ADAM9: variants seen among roughly 807,000 people sequenced by gnomAD.
ADAM9 encodes disintegrin and metalloproteinase domain-containing protein 9.
In ADAM9, 54 loss-of-function variants were observed where a neutral mutation model predicts 108.1. That is an observed-to-expected ratio of 0.50 (90% CI 0.40 to 0.63). ADAM9 has a LOEUF of 0.63. Ranked by LOEUF, ADAM9 falls within the 20% of genes least tolerant of loss-of-function variation. ADAM9 has a pLI of 0.00. For missense variants in ADAM9, 830 were observed against 997.7 expected (o/e 0.83, Z 2.26); for synonymous variants, 316 against 336.0 (o/e 0.94, Z 0.65).
In ADAM9 at chr8:39,022,639, T is replaced by C. The variant is rs183996820; in HGVS notation, c.745-517T>C. Among the ~76,000 whole-genome samples the C allele has an allele frequency of 7.5e-3, 1,149 of 152,308 alleles. 8 individuals are homozygous for C. The highest frequency in any genetic ancestry group is 0.014 in the Middle Eastern group (4 of 294). On this transcript the variant is annotated intron_variant, in intron 8 of 21. Coordinates refer to ENST00000487273, the MANE Select transcript of ADAM9 (RefSeq NM_003816.3). ...GTTTGTCAGATTTTAGAATAGAAGA[T>C]AATAAGGATTTCGAATCTCTGTTAC...
At chr8:39,035,721 G>A (rs1351292018) in intron 11 of ADAM9, among the ~76,000 whole-genome samples, 1 of 152,110 alleles carries the variant, frequency 6.6e-6, no homozygotes, top group African/African-American at 2.4e-5. Context: ...GGAGGCTGAG[G>A]CAGGCGAATG....
chr8:39,053,820 A>G (rs1252260758), intron 12 of ADAM9, among the ~76,000 whole-genome samples: 1 of 152,180 alleles, frequency 6.6e-6, no homozygotes, highest in Non-Finnish European at 1.5e-5. Context: ...GAGCATGAAG[A>G]TAAATGCCTT....
chr8:39,094,303 T>C (rs191371005), intron 20 of ADAM9, among the ~76,000 whole-genome samples: 3 of 152,362 alleles, frequency 2.0e-5, no homozygotes, highest in Admixed American at 1.3e-4. Flanking sequence ...TATCCTTTTA[T>C]GTGCTGCTGA....
chr8:39,029,290 TGAG>T (rs1367729659), intron 11 of ADAM9, among the ~76,000 whole-genome samples: 1 of 151,674 alleles, frequency 6.6e-6, no homozygotes, highest in African/African-American at 2.4e-5. Context: ...ACTGATAACA[TGAG>T]GATACTGATA....
At chr8:39,038,426 T>C (rs1837351607) in intron 11 of ADAM9, among the ~76,000 whole-genome samples, 1 of 152,218 alleles carries the variant, frequency 6.6e-6, no homozygotes, top group Admixed American at 6.5e-5. Flanking sequence ...ACAGTTTTGA[T>C]TGAACTGTCA....
In ADAM9 at chr8:39,055,869, G is replaced by A. The variant is rs536706875; in HGVS notation, c.1591+97G>A. ...AATGAAACATTATTGATAAAGTTGA[G>A]GCTCTCTTGTTTCTCATCGTATTTC... On this transcript the variant is annotated intron_variant, in intron 14 of 21. Coordinates refer to ENST00000487273, the MANE Select transcript of ADAM9 (RefSeq NM_003816.3). 3.9e-6 allele frequency: 5 copies of A among 1,272,368 alleles called. No homozygotes were observed. The East Asian group carries it at 1.0e-4, about 26-fold the overall frequency. 78.8% of individuals were successfully genotyped at this position (1,272,368 alleles called of 1,614,324 possible).
Position 39,082,622 on chromosome 8 carries a change from T to A in ADAM9, c.1882-19T>A. On this transcript the variant is annotated intron_variant, in intron 16 of 21. Transcript: ENST00000487273. ...TGTGCTCAATCTTTCTTTACTTAGT[T>A]CATTTTTTTTTTTTTCAGATCTGTA... is the stretch of plus-strand genomic sequence containing the variant. The A allele has an allele frequency of 6.3e-7, 1 of 1,576,238 alleles. No homozygotes were observed.
At chr8:39,087,897 G>A (rs1392279729) in intron 18 of ADAM9, among the ~76,000 whole-genome samples, 2 of 152,164 alleles carry the variant, frequency 1.3e-5, no homozygotes, top group African/African-American at 4.8e-5. Context: ...ATAGTCTGCT[G>A]TTGACTGGAA....
In ADAM9 at chr8:39,062,894, A is replaced by G. The variant is rs1327658807; in HGVS notation, c.1591+7122A>G. ...CGACTCAAACATTTTAGTCTCCCTC[A>G]GACTTTGAATCCCTTTCTCTGCATT... On this transcript the variant is annotated intron_variant, in intron 14 of 21. Transcript: ENST00000487273. Among the ~76,000 whole-genome samples, 6 of 152,192 alleles carry G rather than the reference A, an allele frequency of 3.9e-5. No individual in the cohort carries two copies. In the East Asian group the frequency reaches 1.2e-3, roughly 29 times the overall value.
chr8:39,063,558 T>C (rs1183162191), intron 14 of ADAM9, among the ~76,000 whole-genome samples: 1 of 152,016 alleles, frequency 6.6e-6, no homozygotes, highest in African/African-American at 2.4e-5. Flanking sequence ...CCTGTCTCCA[T>C]TAAAAACACA....
At chr8:39,067,119 T>G (rs1362906972) in intron 14 of ADAM9, among the ~76,000 whole-genome samples, 6 of 152,340 alleles carry the variant, frequency 3.9e-5, no homozygotes, top group African/African-American at 1.4e-4. Flanking sequence ...ATATCTCTGT[T>G]TTGGTACCAG....
intron 14 of ADAM9, among the ~76,000 whole-genome samples, chr8:39,057,749 A>G (rs4284015): frequency 0.14 from 20,919 of 152,018 alleles, 3,033 homozygotes; most frequent in African/African-American, 0.37. Context: ...GATGGGGCCC[A>G]CCTCCAATAG....
intron 2 of ADAM9, 85 bp from the exon 3 acceptor site, chr8:39,011,573 A>G (rs1462773422): frequency 2.4e-6 from 3 of 1,245,508 alleles, no homozygotes; most frequent in African/African-American, 1.5e-5. Flanking sequence ...TTCAGGATGG[A>G]ATTTCCTGCA....
chr8:39,018,998 C>T (rs573348452), intron 7 of ADAM9, 80 bp downstream of exon 7: 1 of 1,304,358 alleles, frequency 7.7e-7, no homozygotes, highest in Non-Finnish European at 1.1e-6. Flanking sequence ...ATCTAAACTA[C>T]ACATTGTTTG....
rs563220787 is a variant in ADAM9 at position 39,019,346 on chromosome 8, G to A, written c.672+428G>A. 5.4e-4 allele frequency among the ~76,000 whole-genome samples: 82 copies of A among 152,292 alleles called. 2 individuals are homozygous for A. In the Middle Eastern group the frequency reaches 0.024, roughly 44 times the overall value. On this transcript the variant is annotated intron_variant, in intron 7 of 21. Transcript: ENST00000487273. Reference sequence around the variant, plus strand: ...ACTTTGAGAGATGGAAAACCTCCAGGTCCTGGCATGCTTTAGAAGGGAATA... The same window carrying A: ...ACTTTGAGAGATGGAAAACCTCCAGATCCTGGCATGCTTTAGAAGGGAATA...
intron 11 of ADAM9, among the ~76,000 whole-genome samples, chr8:39,029,215 T>G (rs1020458835): frequency 2.0e-5 from 3 of 150,596 alleles, no homozygotes; most frequent in African/African-American, 7.3e-5. Flanking sequence ...TGTTCATTAC[T>G]GGATCTTGGA....
At position 39,075,397 on chromosome 8, in the gene ADAM9, G is replaced by C. The variant is rs568168806; in HGVS notation, c.1698-1831G>C. ...AATTGCAGCTGTCAGGTAATATGTG[G>C]AGTGATGAGTTTGTGCCATATGAAT... On this transcript the variant is annotated intron_variant, in intron 15 of 21. Coordinates refer to ENST00000487273, the MANE Select transcript of ADAM9 (RefSeq NM_003816.3). 2.0e-5 allele frequency among the ~76,000 whole-genome samples: 3 copies of C among 152,288 alleles called. No individual in the cohort carries two copies. The South Asian group carries it at 6.2e-4, about 32-fold the overall frequency.
At position 39,071,827 on chromosome 8, in the gene ADAM9, A is replaced by T. The variant is rs189769894; in HGVS notation, c.1697+424A>T. On this transcript the variant is annotated intron_variant, in intron 15 of 21. Transcript: ENST00000487273. ...TGATTTTCTCCCCCTTAAATACCTA[A>T]CTTTTCAAACATTTTACAATGCAAA... Among the ~76,000 whole-genome samples the T allele has an allele frequency of 3.1e-4, 47 of 152,192 alleles. 2 individuals carry two copies. The highest frequency in any genetic ancestry group is 5.3e-4 in the Non-Finnish European group (36 of 68,004).
chr8:39,049,017 T>TA (rs1491244868), intron 12 of ADAM9, among the ~76,000 whole-genome samples: 4 of 132,092 alleles, frequency 3.0e-5, no homozygotes, highest in Non-Finnish European at 4.9e-5. Context: ...TTTTTTTTTT[T>TA]ATCCATTCAG....
Sources: gnomAD v4.1 joint callset for allele counts (sites outside exome capture counted in the v4.1 genomes callset) on GRCh38, gnomAD v4.1.1 for gene constraint, MANE v1.5 for transcripts, NCBI Gene and HGNC (gene_info 2026-07-23, HGNC 2026-07-21) for gene names.